The following MYOF variants were observed in gnomAD, a reference collection of about 807,000 sequenced individuals.
MYOF encodes fer-1-like 3, myoferlin.
In MYOF, 244 loss-of-function variants were observed where a neutral mutation model predicts 284.2. The ratio of observed to expected loss-of-function variants is 0.86; its 90% CI spans 0.77 to 0.95. The LOEUF is 0.95. Ranked by LOEUF, MYOF falls within the 40% of genes least tolerant of loss-of-function variation. MYOF has a pLI of 0.00. For missense variants in MYOF, 2,496 were observed against 2,560.6 expected, an observed-to-expected ratio of 0.97 and a Z score of 0.54; for synonymous variants, 904 against 919.7, an observed-to-expected ratio of 0.98 and a Z score of 0.31.
chr10:93,429,538 C>G (rs967258699), intron 4 of MYOF, among the ~76,000 whole-genome samples: 1 of 152,214 alleles, frequency 6.6e-6, no homozygotes, highest in South Asian at 2.1e-4. Context: ...AGAATCATTT[C>G]TCTCAGCTAG....
At chr10:93,349,080 TAGGTCTTCCAACACTTCA>T (rs1256961791) in intron 36 of MYOF, among the ~76,000 whole-genome samples, 1 of 152,192 alleles carries the variant, frequency 6.6e-6, no homozygotes, top group Non-Finnish European at 1.5e-5. Flanking sequence ...AGGAAGGTTC[TAGGTCTTCCAACACTTCA>T]AGGTAAGAAA....
At chr10:93,437,244 A>C (rs918204660) in intron 3 of MYOF, among the ~76,000 whole-genome samples, 1 of 151,638 alleles carries the variant, frequency 6.6e-6, no homozygotes, top group African/African-American at 2.4e-5. Flanking sequence ...GTATTGGTTA[A>C]GAGCCGCTTA....
At chr10:93,358,939 C>G (rs1037751260) in intron 29 of MYOF, among the ~76,000 whole-genome samples, 4 of 150,740 alleles carry the variant, frequency 2.7e-5, no homozygotes, top group African/African-American at 4.9e-5. Context: ...TATCTCGGAA[C>G]TTAAATTAAA....
At position 93,355,576 on chromosome 10, in the gene MYOF, T is replaced by C. The variant is rs1004597505; in HGVS notation, c.3403+52A>G. 2.8e-6 allele frequency: 3 copies of C among 1,075,878 alleles called. No individual in the cohort carries two copies. In the African/African-American group the frequency reaches 4.4e-5, roughly 16 times the overall value. 66.6% of individuals were successfully genotyped at this position (1,075,878 alleles called of 1,614,324 possible). A position where few individuals can be genotyped will look rare whatever the true frequency, so the allele number is the denominator to read the frequency against. ...GCCTGGGTGATAGGGCCAGACTCAG[T>C]CTTGAAAAAATAAAATAAAATAAAA... is the stretch of plus-strand genomic sequence containing the variant. On this transcript the variant is annotated intron_variant, in intron 31 of 53. Transcript: ENST00000359263.
rs1470766570 is a variant in MYOF, at chr10:93,351,791, A to G, written c.3537T>C (p.His1179=). The G allele has an allele frequency of 6.3e-7, 1 of 1,595,816 alleles. No individual in the cohort carries two copies. The highest frequency in any genetic ancestry group is 2.2e-5 in the East Asian group (1 of 44,832). ...LHRSKTTEII[H]STLNPTWDQT... ...GGTCCCACGTGGGATTCAGGGTTGA[A>G]TGGATGATCTCAGTGGTTTTGCTCC... The change falls in exon 33 of 54, where the codon CAT becomes CAC. Residue 1179 remains histidine, a synonymous_variant. Coordinates refer to ENST00000359263, the MANE Select transcript of MYOF (RefSeq NM_013451.4).
chr10:93,349,897 C>T lies in MYOF; in HGVS notation c.3994G>A (p.Glu1332Lys). Reference sequence around the variant, plus strand: ...GATTCCACCCTTTCTCCTCCACACTCCACAACAAGACTGGGGGATGTGATA... The same window carrying T: ...GATTCCACCCTTTCTCCTCCACACTTCACAACAAGACTGGGGGATGTGATA... Reference protein sequence around the residue: ...ASITSPSLVVECGGERVESVV... With the variant: ...ASITSPSLVVKCGGERVESVV... Residue 1332 changes from glutamate (E) to lysine (K), a missense_variant, in exon 36 of 54, where the codon GAG becomes AAG. Coordinates refer to ENST00000359263, the MANE Select transcript of MYOF (RefSeq NM_013451.4). 6.2e-7 allele frequency: 1 copy of T among 1,614,130 alleles called. No homozygotes were observed. The highest frequency in any genetic ancestry group is 8.5e-7 in the Non-Finnish European group (1 of 1,180,022).
intron 27 of MYOF, among the ~76,000 whole-genome samples, chr10:93,362,697 G>A (rs552884433): frequency 2.0e-5 from 3 of 152,048 alleles, no homozygotes; most frequent in South Asian, 2.1e-4. Flanking sequence ...AAATAAAGGC[G>A]GCCCATAAAC....
At chr10:93,416,788 G>C (rs1004228181) in intron 5 of MYOF, among the ~76,000 whole-genome samples, 2 of 152,018 alleles carry the variant, frequency 1.3e-5, no homozygotes, top group African/African-American at 4.8e-5. Context: ...AATAGAGACA[G>C]AGTTTTGCCA....
chr10:93,323,186 C>G lies in MYOF; in HGVS notation c.5361-13G>C. On this transcript the variant is annotated splice_polypyrimidine_tract_variant and intron_variant, in intron 47 of 53. Coordinates refer to ENST00000359263, the MANE Select transcript of MYOF (RefSeq NM_013451.4). ...ACGCAGGTAGTATCTGCAAGAAGCA[C>G]AGTTGGAAGGTACTTTTTTTTCTGG... The G allele has an allele frequency of 1.9e-6, 3 of 1,613,966 alleles. No individual in the cohort carries two copies. Among genetic ancestry groups the G allele is most frequent in the Non-Finnish European group, 2.5e-6 (3 of 1,179,822 alleles).
At chr10:93,389,744 CCTT>C (rs1846584852) in intron 17 of MYOF, among the ~76,000 whole-genome samples, 1 of 152,206 alleles carries the variant, frequency 6.6e-6, no homozygotes. Flanking sequence ...CTGATAAGCT[CCTT>C]ATTTTTGCTA....
intron 22 of MYOF, among the ~76,000 whole-genome samples, chr10:93,376,879 T>G (rs2797555): frequency 0.3 from 45,194 of 152,108 alleles, 8,192 homozygotes; most frequent in Middle Eastern, 0.44. Context: ...GTAAAAGGGC[T>G]GTTTCTAAAA....
intron 52 of MYOF, 127 bp downstream of exon 52, chr10:93,310,407 C>G: frequency 2.9e-6 from 3 of 1,041,054 alleles, no homozygotes; most frequent in Non-Finnish European, 4.2e-6. Context: ...TCTCCACCCC[C>G]ACCCACCACT....
chr10:93,408,401 G>T (rs1346363039), intron 7 of MYOF, among the ~76,000 whole-genome samples: 1 of 152,028 alleles, frequency 6.6e-6, no homozygotes, highest in Non-Finnish European at 1.5e-5. Flanking sequence ...GCCAGGTGTG[G>T]TGGTGCATGC....
At chr10:93,455,683 A>C (rs1028382862) in intron 2 of MYOF, among the ~76,000 whole-genome samples, 6 of 152,206 alleles carry the variant, frequency 3.9e-5, no homozygotes, top group African/African-American at 9.6e-5. Context: ...ATAAAAAAAA[A>C]CCCAGAAGGT....
intron 1 of MYOF, among the ~76,000 whole-genome samples, chr10:93,458,860 T>C (rs138300611): frequency 5.9e-5 from 9 of 152,314 alleles, no homozygotes; most frequent in African/African-American, 1.9e-4. Flanking sequence ...TGCTGTGGAA[T>C]GTAGGAGGTA....
intron 3 of MYOF, among the ~76,000 whole-genome samples, chr10:93,447,867 T>C (rs1018425659): frequency 1.3e-5 from 2 of 152,180 alleles, no homozygotes; most frequent in African/African-American, 4.8e-5. Flanking sequence ...AAAATAAATA[T>C]ATAATGGTCT....
rs370918123 is a variant in MYOF at position 93,313,182 on chromosome 10, C to A, written c.5727G>T (p.Thr1909=). 1.9e-6 allele frequency: 3 copies of A among 1,613,432 alleles called. No homozygotes were observed. Among genetic ancestry groups the A allele is most frequent in the Non-Finnish European group, 2.5e-6 (3 of 1,179,846 alleles). The change falls in exon 51 of 54, where the codon ACG becomes ACT. Residue 1909 remains threonine (T), a synonymous_variant. Transcript: ENST00000359263. ...LGFLELDLRH[T]IIPAKSPEKC... ...TCTCTGGTGATTTTGCAGGAATGAT[C>A]GTGTGACGCAAGTCAAGTTCTAGGA... is the stretch of plus-strand genomic sequence containing the variant.
chr10:93,340,364 A>G, intron 38 of MYOF, 200 bp from the exon 39 acceptor site: 1 of 555,782 alleles, frequency 1.8e-6, no homozygotes, highest in Non-Finnish European at 3.2e-6. Flanking sequence ...AACCCACCTT[A>G]CTGGTTTCTT....
At chr10:93,408,537 CAA>C (rs530847314) in intron 7 of MYOF, among the ~76,000 whole-genome samples, 11 of 130,116 alleles carry the variant, frequency 8.5e-5, no homozygotes, top group African/African-American at 1.1e-4. Flanking sequence ...AATTCCATCT[CAA>C]AAAAAAAAAA....
Sources: gnomAD v4.1 joint callset for allele counts (sites outside exome capture counted in the v4.1 genomes callset) on GRCh38, gnomAD v4.1.1 for gene constraint, MANE v1.5 for transcripts, NCBI Gene and HGNC (gene_info 2026-07-23, HGNC 2026-07-21) for gene names.